ICMT: variants seen among roughly 807,000 people sequenced by gnomAD.
ICMT encodes isoprenylcysteine carboxyl methyltransferase, also known as protein-S-isoprenylcysteine O-methyltransferase.
Under a neutral mutation model 32.2 loss-of-function variants are expected in ICMT, and 10 were observed. The observed-to-expected ratio is 0.31, with a 90% CI of 0.19 to 0.53. The LOEUF (loss-of-function observed/expected upper bound fraction) is 0.53, where lower values mean the gene tolerates loss of function less well. ICMT is among the 20% of genes least tolerant of loss of function. The pLI is 0.96. For missense variants in ICMT, 265 were observed against 356.9 expected (o/e 0.74, Z 2.07); for synonymous variants, 183 against 158.2 (o/e 1.16, Z -1.18).
rs1487874508 is a variant in ICMT, at chr1:6,223,082, T to C, written c.*1998A>G. 6.6e-6 allele frequency: 1 copy of C among 152,274 alleles called. No individual in the cohort carries two copies. Among genetic ancestry groups the C allele is most frequent in the East Asian group, 1.9e-4 (1 of 5,194 alleles). The allele number at this position is 152,274 out of a possible 1,614,324, so 9.4% of individuals were successfully genotyped here. ...ACTGCACGCGTGTCGTGAGGGCCGATGGGCAAGTCCGTCCGGTTTTTTTTG... is the reference window on the plus strand; with the variant it reads ...ACTGCACGCGTGTCGTGAGGGCCGACGGGCAAGTCCGTCCGGTTTTTTTTG... On this transcript the variant is annotated 3_prime_UTR_variant, in exon 5 of 5. Transcript: ENST00000343813.
At chr1:6,233,378 G>A (rs1227631324) in intron 3 of ICMT, 96 bp downstream of exon 3, 3 of 1,139,072 alleles carry the variant, frequency 2.6e-6, no homozygotes, top group Non-Finnish European at 3.8e-6. Context: ...ATCGCTTGGG[G>A]GAGATTAGAC....
chr1:6,226,071 T>C (rs1172736472), intron 4 of ICMT, among the ~76,000 whole-genome samples: 1 of 152,118 alleles, frequency 6.6e-6, no homozygotes, highest in Non-Finnish European at 1.5e-5. Flanking sequence ...CCCAAGCTGG[T>C]CTCGAACTCC....
At position 6,224,117 on chromosome 1, in the gene ICMT, G is replaced by C. The variant is rs1173142766; in HGVS notation, c.*963C>G. The C allele has an allele frequency of 6.6e-6, 1 of 152,166 alleles. No individual in the cohort carries two copies. The highest frequency in any genetic ancestry group is 2.4e-5 in the African/African-American group (1 of 41,440). 9.4% of individuals were successfully genotyped at this position (152,166 alleles called of 1,614,324 possible). A position where few individuals can be genotyped will look rare whatever the true frequency, so the allele number is the denominator to read the frequency against. On this transcript the variant is annotated 3_prime_UTR_variant, in exon 5 of 5. Coordinates refer to ENST00000343813, the MANE Select transcript of ICMT (RefSeq NM_012405.4). ...GAGGGACAATGTAATTTTGAGAACAGAACACAGAAAACAAGAGTTCTGAGA... is the reference window on the plus strand; with the variant it reads ...GAGGGACAATGTAATTTTGAGAACACAACACAGAAAACAAGAGTTCTGAGA...
chr1:6,230,559 C>A (rs1417253338), intron 4 of ICMT, among the ~76,000 whole-genome samples: 1 of 141,470 alleles, frequency 7.1e-6, no homozygotes, highest in African/African-American at 2.6e-5. Context: ...GCACTCCAGG[C>A]TGGGCAACAC....
In ICMT at chr1:6,226,248, T is replaced by G. The variant is rs190937772; in HGVS notation, c.673-986A>C. ...CCGTCTCTACCAAAAATAGAAAAATTAGCTGGGCGTAGTGGTGGGAGCCTG... is the reference window on the plus strand; with the variant it reads ...CCGTCTCTACCAAAAATAGAAAAATGAGCTGGGCGTAGTGGTGGGAGCCTG... On this transcript the variant is annotated intron_variant, in intron 4 of 4. Coordinates refer to ENST00000343813, the MANE Select transcript of ICMT (RefSeq NM_012405.4). Among the ~76,000 whole-genome samples, 25 of 152,194 alleles carry G rather than the reference T, an allele frequency of 1.6e-4. No homozygotes were observed. The East Asian group carries it at 4.5e-3, about 27-fold the overall frequency.
chr1:6,226,134 T>A (rs774467579), intron 4 of ICMT, among the ~76,000 whole-genome samples: 4 of 152,166 alleles, frequency 2.6e-5, no homozygotes, highest in Non-Finnish European at 5.9e-5. Context: ...GTGGCTCATG[T>A]CTGTTAATTG....
At chr1:6,229,076 G>A (rs1376911638) in intron 4 of ICMT, among the ~76,000 whole-genome samples, 4 of 151,800 alleles carry the variant, frequency 2.6e-5, no homozygotes, top group South Asian at 2.1e-4. Context: ...GGTGGCTCAC[G>A]CCTGTAATCC....
chr1:6,234,591 C>T, intron 2 of ICMT: 1 of 501,332 alleles, frequency 2.0e-6, no homozygotes, highest in South Asian at 1.6e-5. Context: ...GACCTGCACC[C>T]CTTCCGGGAA....
chr1:6,230,258 G>A (rs1668712640), intron 4 of ICMT, among the ~76,000 whole-genome samples: 2 of 152,138 alleles, frequency 1.3e-5, no homozygotes, highest in Non-Finnish European at 2.9e-5. Context: ...GAGACTATAG[G>A]CATGTGCCAC....
intron 3 of ICMT, among the ~76,000 whole-genome samples, chr1:6,233,070 G>A (rs911645119): frequency 1.3e-5 from 2 of 151,662 alleles, no homozygotes; most frequent in Non-Finnish European, 2.9e-5. Flanking sequence ...TGGCCAGGCT[G>A]GTCTCGAACT....
Position 6,224,788 on chromosome 1 carries a change from T to TA in ICMT, c.*291_*292insT. 2.1e-5 allele frequency: 7 copies of TA among 333,658 alleles called. No individual in the cohort carries two copies. The highest frequency in any genetic ancestry group is 1.8e-4 in the South Asian group (3 of 16,720). The allele number at this position is 333,658 out of a possible 1,614,324, so 20.7% of individuals were successfully genotyped here. ...CTCTGGCCTCGGGGGCAGTGGCGTG[T>TA]GGCCTCGGTCCTCCCCAGGTAACTC... On this transcript the variant is annotated 3_prime_UTR_variant, in exon 5 of 5. Coordinates refer to ENST00000343813, the MANE Select transcript of ICMT (RefSeq NM_012405.4).
chr1:6,226,732 G>T (rs1313889431), intron 4 of ICMT, among the ~76,000 whole-genome samples: 2 of 151,812 alleles, frequency 1.3e-5, no homozygotes, highest in African/African-American at 4.8e-5. Flanking sequence ...TCCCCACTTT[G>T]TTTTTTTTAA....
intron 2 of ICMT, chr1:6,234,444 C>T: frequency 2.0e-6 from 1 of 492,860 alleles, no homozygotes; most frequent in Non-Finnish European, 4.0e-6. Context: ...GACTAGAAGG[C>T]TCAAGGGACT....
intron 1 of ICMT, 38 bp downstream of exon 1, chr1:6,235,679 C>T: frequency 8.7e-7 from 1 of 1,144,114 alleles, no homozygotes. Context: ...GACCGCCGCC[C>T]GCCCCGCCGG....
chr1:6,227,987 A>G (rs1035377857), intron 4 of ICMT, among the ~76,000 whole-genome samples: 1 of 152,000 alleles, frequency 6.6e-6, no homozygotes, highest in African/African-American at 2.4e-5. Flanking sequence ...GGGCAACACT[A>G]AGACCCCATC....
In ICMT at chr1:6,235,771, G is replaced by T; in HGVS notation, c.141C>A (p.Tyr47Ter). ...GCAGCAGCGCGTTGAGCCCGGCCAC[G>T]TAGAGCGCCAGCCCGGTGCGGCCCT... is the stretch of plus-strand genomic sequence containing the variant. ...GLQGRTGLAL[Y>*]VAGLNALLLL... is the part of the protein sequence containing the mutation. Residue 47 changes from tyrosine to a stop codon, truncating the protein, a stop_gained, in exon 1 of 5, where the codon TAC becomes TAA. Transcript: ENST00000343813. LOFTEE classifies it high-confidence loss of function. 1 of 1,344,218 alleles carries T rather than the reference G, an allele frequency of 7.4e-7. No individual in the cohort carries two copies. The highest frequency in any genetic ancestry group is 9.6e-7 in the Non-Finnish European group (1 of 1,038,354). The allele number at this position is 1,344,218 out of a possible 1,614,324, so 83.3% of individuals were successfully genotyped here. A position where few individuals can be genotyped will look rare whatever the true frequency, so the allele number is the denominator to read the frequency against.
chr1:6,235,774 G>C lies in ICMT; in HGVS notation c.138C>G (p.Leu46=). 3.0e-6 allele frequency: 4 copies of C among 1,344,108 alleles called. No individual in the cohort carries two copies. Among genetic ancestry groups the C allele is most frequent in the Non-Finnish European group, 3.9e-6 (4 of 1,038,394 alleles). The allele number at this position is 1,344,108 out of a possible 1,614,324, so 83.3% of individuals were successfully genotyped here. Residue 46 remains leucine, a synonymous_variant, in exon 1 of 5, where the codon CTC becomes CTG. Coordinates refer to ENST00000343813, the MANE Select transcript of ICMT (RefSeq NM_012405.4). The stretch of plus-strand genomic sequence containing the variant: ...GCAGCGCGTTGAGCCCGGCCACGTA[G>C]AGCGCCAGCCCGGTGCGGCCCTGCA... ...AGLQGRTGLA[L]YVAGLNALLL...
At chr1:6,229,923 A>C (rs1451885346) in intron 4 of ICMT, among the ~76,000 whole-genome samples, 1 of 151,900 alleles carries the variant, frequency 6.6e-6, no homozygotes, top group African/African-American at 2.4e-5. Context: ...GCTGGAGTGC[A>C]GTGGCGTGAT....
Position 6,235,753 on chromosome 1 carries a change from C to A in ICMT, c.159G>T (p.Ala53=). Residue 53 remains alanine, a synonymous_variant, in exon 1 of 5, where the codon GCG becomes GCT. Transcript: ENST00000343813. ...GCGGCCGATAGAGCAGCAGCAGCAG[C>A]GCGTTGAGCCCGGCCACGTAGAGCG... ...GLALYVAGLN[A]LLLLLYRPPR... 7.5e-7 allele frequency: 1 copy of A among 1,335,590 alleles called. No individual in the cohort carries two copies. The highest frequency in any genetic ancestry group is 9.7e-7 in the Non-Finnish European group (1 of 1,033,780). 82.7% of individuals were successfully genotyped at this position (1,335,590 alleles called of 1,614,324 possible).
Sources: allele counts gnomAD v4.1 joint callset (sites outside exome capture counted in the v4.1 genomes callset), GRCh38; gene constraint gnomAD v4.1.1; transcripts MANE v1.5; gene names NCBI Gene and HGNC (gene_info 2026-07-23, HGNC 2026-07-21).